PHEX: variants seen among roughly 807,000 people sequenced by gnomAD.
PHEX encodes the protein phosphate regulating endopeptidase X-linked.
PHEX carries 16 observed loss-of-function variants against 68.0 expected under a neutral mutation model. That is an observed-to-expected ratio of 0.24 (90% CI 0.16 to 0.36). The LOEUF (loss-of-function observed/expected upper bound fraction) is 0.36. Among genes scored for constraint, PHEX ranks in the 10% least tolerant of loss-of-function variants. The pLI is 1.00. For synonymous variants in PHEX, 208 were observed against 205.1 expected (o/e 1.01, Z -0.12); for missense variants, 480 against 575.5 (o/e 0.83, Z 1.70).
chrX:22,196,501 T>G (rs140869650), intron 15 of PHEX, among the ~76,000 whole-genome samples: 4,538 of 112,366 alleles, frequency 0.04, 236 homozygotes, highest in African/African-American at 0.14. Context: ...AAACTTTATT[T>G]ACAAAACAGG....
At position 22,170,632 on chromosome X, in the gene PHEX, A is replaced by T. The variant is rs377757017; in HGVS notation, c.1482+2243A>T. Among the ~76,000 whole-genome samples, 10 of 112,376 alleles carry T rather than the reference A, an allele frequency of 8.9e-5. No individual in the cohort carries two copies. In the East Asian group the frequency reaches 2.0e-3, roughly 22 times the overall value. ...GTAGTGAACTATTTTGGTTTGAAAA[A>T]GTCCTCATGAATTAACTCATGCACT... On this transcript the variant is annotated intron_variant, in intron 13 of 21. Transcript: ENST00000379374.
At chrX:22,121,307 A>G (rs923390491) in intron 11 of PHEX, among the ~76,000 whole-genome samples, 5 of 111,958 alleles carry the variant, frequency 4.5e-5, no homozygotes, top group African/African-American at 1.6e-4. Flanking sequence ...AATTATGAAG[A>G]GGAGACATCA....
chrX:22,141,906 T>C (rs1156589276), intron 12 of PHEX, among the ~76,000 whole-genome samples: 1 of 112,353 alleles, frequency 8.9e-6, no homozygotes, highest in Non-Finnish European at 1.9e-5. Context: ...TTTTTTCTCT[T>C]AACATTTATT....
At chrX:22,070,391 A>G (rs898159877) in intron 3 of PHEX, among the ~76,000 whole-genome samples, 1 of 112,125 alleles carries the variant, frequency 8.9e-6, no homozygotes, top group Admixed American at 9.5e-5. Context: ...TTTAGAATGC[A>G]GTTGCTGGCC....
intron 3 of PHEX, among the ~76,000 whole-genome samples, chrX:22,056,526 C>T (rs1055960832): frequency 9.1e-6 from 1 of 110,321 alleles, no homozygotes; most frequent in Non-Finnish European, 1.9e-5. Flanking sequence ...CTAGGCTGGG[C>T]GGGGTGGCTC....
At chrX:22,091,507 T>C (rs1241617283) in intron 6 of PHEX, among the ~76,000 whole-genome samples, 1 of 112,272 alleles carries the variant, frequency 8.9e-6, no homozygotes, top group African/African-American at 3.2e-5. Context: ...CAAGTAGCCT[T>C]TTAACTGTTA....
intron 15 of PHEX, among the ~76,000 whole-genome samples, chrX:22,194,480 T>C (rs1463207736): frequency 8.9e-6 from 1 of 112,397 alleles, no homozygotes; most frequent in Non-Finnish European, 1.9e-5. Flanking sequence ...GGTGATTCTC[T>C]AAAATGAACA....
At chrX:22,150,152 T>A (rs866116684) in intron 12 of PHEX, among the ~76,000 whole-genome samples, 11 of 109,907 alleles carry the variant, frequency 1.0e-4, no homozygotes, top group Non-Finnish European at 1.9e-4. Flanking sequence ...ATAAAAAAAA[T>A]AAAAACTCTT....
At chrX:22,114,933 C>T (rs928734511) in intron 11 of PHEX, among the ~76,000 whole-genome samples, 1 of 111,544 alleles carries the variant, frequency 9.0e-6, no homozygotes, top group Admixed American at 9.5e-5. Flanking sequence ...ACTGTGGCAA[C>T]GTGTTCTTCT....
intron 12 of PHEX, among the ~76,000 whole-genome samples, chrX:22,160,157 T>G (rs762134042): frequency 3.6e-5 from 4 of 111,977 alleles, no homozygotes; most frequent in Non-Finnish European, 7.5e-5. Context: ...GAGGTTTAGT[T>G]GACTCACAGT....
In PHEX at chrX:22,226,405, G is replaced by A. The variant is rs141696848; in HGVS notation, c.1900-38G>A. The A allele has an allele frequency of 2.0e-5, 19 of 948,877 alleles. No homozygotes were observed. In the African/African-American group the frequency reaches 3.4e-4, roughly 17 times the overall value. 78.2% of individuals were successfully genotyped at this position (948,877 alleles called of 1,213,427 possible). A position where few individuals can be genotyped will look rare whatever the true frequency, so the allele number is the denominator to read the frequency against. On this transcript the variant is annotated intron_variant, in intron 18 of 21. Transcript: ENST00000379374. ...TGAATGATAGTTGACCGTGAAACAC[G>A]CATTCATTTTTTTTTTTTCCTTTTT...
At chrX:22,090,331 A>G (rs1841171697) in intron 5 of PHEX, 98 bp from the exon 6 acceptor site, 1 of 684,475 alleles carries the variant, frequency 1.5e-6, no homozygotes, top group African/African-American at 2.1e-5. Context: ...CATGAGCTCA[A>G]AATATGGCTG....
intron 1 of PHEX, among the ~76,000 whole-genome samples, chrX:22,037,187 T>C (rs1485603069): frequency 9.1e-6 from 1 of 110,209 alleles, no homozygotes; most frequent in Non-Finnish European, 1.9e-5. Flanking sequence ...AAAGAGGCTG[T>C]TTGGAGGATG....
intron 20 of PHEX, among the ~76,000 whole-genome samples, chrX:22,234,836 C>T (rs914273924): frequency 9.4e-6 from 1 of 106,530 alleles, no homozygotes; most frequent in African/African-American, 3.5e-5. Flanking sequence ...AAAAAAACCA[C>T]ACACACACAC....
chrX:22,191,308 G>A (rs890288791), intron 15 of PHEX, among the ~76,000 whole-genome samples: 3 of 112,327 alleles, frequency 2.7e-5, no homozygotes, highest in Non-Finnish European at 3.8e-5. Context: ...GATTACAGGC[G>A]TGAGCCACTG....
Position 22,226,455 on chromosome X carries a change from A to C in PHEX, c.1912A>C (p.Arg638=). The C allele has an allele frequency of 1.7e-6, 2 of 1,200,993 alleles. No individual in the cohort carries two copies. The highest frequency in any genetic ancestry group is 2.3e-6 in the Non-Finnish European group (2 of 887,250). ...TTCTTTCTGTTAGGTCAAGGGGAAGAGGACCCTGGGAGAAAATATTGCTGA... is the reference window on the plus strand; with the variant it reads ...TTCTTTCTGTTAGGTCAAGGGGAAGCGGACCCTGGGAGAAAATATTGCTGA... The part of the protein sequence containing the change: ...KKAGLNVKGK[R]TLGENIADNG... Residue 638 remains arginine, a synonymous_variant, in exon 19 of 22, where the codon AGG becomes CGG. Coordinates refer to ENST00000379374, the MANE Select transcript of PHEX (RefSeq NM_000444.6).
intron 12 of PHEX, among the ~76,000 whole-genome samples, chrX:22,157,002 C>A (rs765001410): frequency 9.0e-6 from 1 of 111,243 alleles, no homozygotes; most frequent in African/African-American, 3.3e-5. Flanking sequence ...TCTGCCTCGG[C>A]CTCCCAGGTA....
chrX:22,183,659 C>T (rs1212110164), intron 14 of PHEX, among the ~76,000 whole-genome samples: 1 of 110,765 alleles, frequency 9.0e-6, no homozygotes, highest in Non-Finnish European at 1.9e-5. Context: ...ATACGGTAGT[C>T]ACAGATCTAT....
intron 12 of PHEX, among the ~76,000 whole-genome samples, chrX:22,144,514 A>T (rs753963652): frequency 1.1e-4 from 12 of 111,184 alleles, no homozygotes; most frequent in African/African-American, 3.6e-4. Context: ...ACTTGTTTTT[A>T]TGCTTGAGAA....
Sources: allele counts gnomAD v4.1 joint callset (sites outside exome capture counted in the v4.1 genomes callset), GRCh38; gene constraint gnomAD v4.1.1; transcripts MANE v1.5; gene names NCBI Gene and HGNC (gene_info 2026-07-23, HGNC 2026-07-21).